AFG1L: variants seen among roughly 807,000 people sequenced by gnomAD.
AFG1L encodes the protein AFG1-like ATPase.
AFG1L carries 53 observed loss-of-function variants against 62.2 expected under a neutral mutation model. That is an observed-to-expected ratio of 0.85 (90% CI 0.68 to 1.07). The LOEUF (loss-of-function observed/expected upper bound fraction) is 1.07. Among genes scored for constraint, AFG1L ranks in the 50% least tolerant of loss-of-function variants. The pLI is 0.00. For missense variants in AFG1L, 555 were observed against 590.5 expected (o/e 0.94, Z 0.62); for synonymous variants, 228 against 210.3 (o/e 1.08, Z -0.73).
intron 10 of AFG1L, among the ~76,000 whole-genome samples, chr6:108,505,246 G>A (rs189729361): frequency 3.9e-5 from 6 of 151,984 alleles, no homozygotes; most frequent in Admixed American, 2.6e-4. Flanking sequence ...GGCGCCTGCC[G>A]CCGCACCCGG....
chr6:108,457,083 G>A (rs894114231), intron 8 of AFG1L, among the ~76,000 whole-genome samples: 1 of 152,136 alleles, frequency 6.6e-6, no homozygotes, highest in South Asian at 2.1e-4. Context: ...CTGTATATAC[G>A]ATGCATATTA....
At chr6:108,394,309 G>A (rs1020340008) in intron 6 of AFG1L, among the ~76,000 whole-genome samples, 13 of 151,844 alleles carry the variant, frequency 8.6e-5, no homozygotes, top group Non-Finnish European at 1.2e-4. Flanking sequence ...TACTACACCC[G>A]GCTAATCTTG....
rs1368826365 is a variant in AFG1L at position 108,389,610 on chromosome 6, A to C, written c.749-12386A>C. ...TCTCTCAGCATTTGCTTGTCTGTAA[A>C]GTATTTTATTTCTCCTTCACTTATG... is the stretch of plus-strand genomic sequence containing the variant. On this transcript the variant is annotated intron_variant, in intron 6 of 12. Transcript: ENST00000368977. Among the ~76,000 whole-genome samples the C allele has an allele frequency of 2.0e-5, 3 of 152,132 alleles. No individual in the cohort carries two copies. In the East Asian group the frequency reaches 5.8e-4, roughly 29 times the overall value.
rs139593834 is a variant in AFG1L, at chr6:108,387,052, T to TA, written c.749-14943dup. On this transcript the variant is annotated intron_variant, in intron 6 of 12. Transcript: ENST00000368977. ...AACATTCCAATTAAAAGGTAGAGATTATCAGAACAAATTTAAAAAATACCA... is the reference window on the plus strand; with the variant it reads ...AACATTCCAATTAAAAGGTAGAGATTAATCAGAACAAATTTAAAAAATACCA... Among the ~76,000 whole-genome samples, 3 of 152,260 alleles carry TA rather than the reference T, an allele frequency of 2.0e-5. No individual in the cohort carries two copies. The East Asian group carries it at 5.8e-4, about 29-fold the overall frequency.
At chr6:108,418,474 A>C (rs994363421) in intron 7 of AFG1L, among the ~76,000 whole-genome samples, 1 of 152,170 alleles carries the variant, frequency 6.6e-6, no homozygotes, top group Admixed American at 6.5e-5. Flanking sequence ...TTAAAACGAC[A>C]TATGTCAATA....
At chr6:108,456,018 T>A (rs921765236) in intron 8 of AFG1L, among the ~76,000 whole-genome samples, 3 of 152,186 alleles carry the variant, frequency 2.0e-5, no homozygotes, top group African/African-American at 7.2e-5. Context: ...TATTAAGTAT[T>A]GAGAAAGAGG....
chr6:108,484,694 A>T (rs77332218), intron 10 of AFG1L, among the ~76,000 whole-genome samples: 3,695 of 152,314 alleles, frequency 0.024, 143 homozygotes, highest in African/African-American at 0.084. Flanking sequence ...CCTCAGAATG[A>T]TAAAGAAGGT....
chr6:108,512,222 G>A (rs1774681446), intron 11 of AFG1L, among the ~76,000 whole-genome samples: 1 of 152,218 alleles, frequency 6.6e-6, no homozygotes, highest in Non-Finnish European at 1.5e-5. Flanking sequence ...TGCACAGAAT[G>A]AAAATGGGTA....
intron 8 of AFG1L, among the ~76,000 whole-genome samples, chr6:108,454,939 C>T (rs1222100820): frequency 3.9e-5 from 6 of 152,126 alleles, no homozygotes; most frequent in Non-Finnish European, 8.8e-5. Flanking sequence ...GTGCCTGACC[C>T]TGAAGTCTGT....
chr6:108,316,769 T>C (rs1777620389), intron 1 of AFG1L, among the ~76,000 whole-genome samples: 1 of 152,102 alleles, frequency 6.6e-6, no homozygotes, highest in African/African-American at 2.4e-5. Context: ...CCTGACCTCG[T>C]GATCTGCCCG....
intron 8 of AFG1L, among the ~76,000 whole-genome samples, chr6:108,459,142 G>A (rs1383264466): frequency 1.3e-5 from 2 of 152,130 alleles, no homozygotes; most frequent in Non-Finnish European, 2.9e-5. Flanking sequence ...CCACCTGCCC[G>A]TTTCAAGTAG....
At chr6:108,365,897 G>A (rs767953758) in intron 5 of AFG1L, among the ~76,000 whole-genome samples, 14 of 152,008 alleles carry the variant, frequency 9.2e-5, no homozygotes, top group Non-Finnish European at 1.6e-4. Context: ...GTGGGAAGAG[G>A]AGGAGGGTGT....
At chr6:108,468,650 A>C (rs9486893) in intron 8 of AFG1L, among the ~76,000 whole-genome samples, 6 of 142,940 alleles carry the variant, frequency 4.2e-5, no homozygotes, top group African/African-American at 7.6e-5. Context: ...TCTTCTCCCC[A>C]CCCCTCCACC....
intron 10 of AFG1L, among the ~76,000 whole-genome samples, chr6:108,487,967 T>G (rs1452860670): frequency 1.3e-5 from 2 of 151,784 alleles, no homozygotes; most frequent in Non-Finnish European, 2.9e-5. Context: ...TAGAGTAATG[T>G]TTTAGGAAGA....
chr6:108,335,132 T>C (rs1355740606), intron 2 of AFG1L, among the ~76,000 whole-genome samples: 1 of 152,092 alleles, frequency 6.6e-6, no homozygotes, highest in East Asian at 1.9e-4. Context: ...CAGCTGGGAT[T>C]ATAGGCGTTT....
chr6:108,365,068 T>C (rs1296692435), intron 5 of AFG1L, among the ~76,000 whole-genome samples: 1 of 152,180 alleles, frequency 6.6e-6, no homozygotes, highest in African/African-American at 2.4e-5. Flanking sequence ...TGTCCTCTAA[T>C]GGGGTTTAAA....
In AFG1L at chr6:108,322,590, A is replaced by T. The variant is rs1201425551; in HGVS notation, c.140-1235A>T. 2.6e-5 allele frequency among the ~76,000 whole-genome samples: 4 copies of T among 152,172 alleles called. No homozygotes were observed. In the East Asian group the frequency reaches 5.8e-4, roughly 22 times the overall value. ...TCTATTTAGAAAGGTGGAACAAATA[A>T]TGGAAGACAGCCGTCCCTATCTCCA... On this transcript the variant is annotated intron_variant, in intron 1 of 12. Transcript: ENST00000368977.
At chr6:108,473,044 T>C (rs1772967876) in intron 8 of AFG1L, among the ~76,000 whole-genome samples, 1 of 152,148 alleles carries the variant, frequency 6.6e-6, no homozygotes, top group Admixed American at 6.5e-5. Context: ...TCAAGTAATC[T>C]GACCACCTCG....
intron 3 of AFG1L, among the ~76,000 whole-genome samples, chr6:108,349,615 A>C (rs1368519206): frequency 6.6e-6 from 1 of 152,070 alleles, no homozygotes; most frequent in African/African-American, 2.4e-5. Context: ...CTTGGGAAAC[A>C]GGTATTAAAT....
Sources: gnomAD v4.1 joint callset for allele counts (sites outside exome capture counted in the v4.1 genomes callset) on GRCh38, gnomAD v4.1.1 for gene constraint, MANE v1.5 for transcripts, NCBI Gene and HGNC (gene_info 2026-07-23, HGNC 2026-07-21) for gene names.